The following LRRTM4 variants were observed in gnomAD, a reference collection of about 807,000 sequenced individuals.
LRRTM4 encodes the protein leucine-rich repeat transmembrane neuronal protein 4.
LRRTM4 carries 25 observed loss-of-function variants against 47.6 expected under a neutral mutation model. That is an observed-to-expected ratio of 0.53 (90% CI 0.38 to 0.73). The LOEUF is 0.73. Ranked by LOEUF, LRRTM4 falls within the 30% of genes least tolerant of loss-of-function variation. The probability of loss-of-function intolerance (pLI) is 0.00; values close to 1 mark genes in which losing one functional copy is unlikely to be tolerated. For missense variants in LRRTM4, 638 were observed against 713.4 expected (o/e 0.89, Z 1.20); for synonymous variants, 311 against 269.5 (o/e 1.15, Z -1.51).
intron 3 of LRRTM4, among the ~76,000 whole-genome samples, chr2:77,195,778 A>C (rs1673803298): frequency 6.6e-6 from 1 of 152,158 alleles, no homozygotes; most frequent in African/African-American, 2.4e-5. Context: ...ATGACCACAT[A>C]ATTAATCATC....
At chr2:77,506,612 C>T (rs779301862) in intron 3 of LRRTM4, among the ~76,000 whole-genome samples, 14 of 151,814 alleles carry the variant, frequency 9.2e-5, no homozygotes, top group Non-Finnish European at 1.8e-4. Flanking sequence ...AAAATGGGAA[C>T]TCTTACACAA....
intron 3 of LRRTM4, among the ~76,000 whole-genome samples, chr2:77,234,554 A>G (rs966198433): frequency 6.6e-6 from 1 of 152,184 alleles, no homozygotes; most frequent in Non-Finnish European, 1.5e-5. Flanking sequence ...ATTATATGCT[A>G]AAATTTGTTA....
intron 3 of LRRTM4, among the ~76,000 whole-genome samples, chr2:77,384,606 A>G (rs141043726): frequency 1.3e-5 from 2 of 152,182 alleles, no homozygotes; most frequent in African/African-American, 4.8e-5. Flanking sequence ...GCATTTAGAA[A>G]TTGAAACTGA....
intron 3 of LRRTM4, among the ~76,000 whole-genome samples, chr2:77,157,841 C>G (rs529992592): frequency 6.6e-6 from 1 of 152,274 alleles, no homozygotes; most frequent in East Asian, 1.9e-4. Flanking sequence ...GACAGAGGAA[C>G]ATGAGCTATA....
chr2:77,362,170 A>AAAGAAAGAAAGAAAGGAAGG (rs1282143102), intron 3 of LRRTM4, among the ~76,000 whole-genome samples: 354 of 133,472 alleles, frequency 2.7e-3, no homozygotes, highest in Middle Eastern at 0.011. Context: ...AGAAAGAAAG[A>AAAGAAAGAAAGAAAGGAAGG]AAGGAAGGAA....
intron 3 of LRRTM4, among the ~76,000 whole-genome samples, chr2:76,886,014 A>G (rs1673066111): frequency 6.6e-6 from 1 of 152,196 alleles, no homozygotes. Context: ...AAGAAATATA[A>G]CTCATTTCTA....
chr2:77,403,169 T>C (rs1674029562), intron 3 of LRRTM4, among the ~76,000 whole-genome samples: 1 of 151,996 alleles, frequency 6.6e-6, no homozygotes, highest in South Asian at 2.1e-4. Context: ...GTAAAGTACC[T>C]AATCTGACTG....
chr2:77,010,081 T>C (rs1177058939), intron 3 of LRRTM4, among the ~76,000 whole-genome samples: 3 of 152,104 alleles, frequency 2.0e-5, no homozygotes, highest in Non-Finnish European at 4.4e-5. Flanking sequence ...TGTTTTGGAA[T>C]TGTTAATTCA....
At chr2:77,082,543 G>T (rs999777451) in intron 3 of LRRTM4, among the ~76,000 whole-genome samples, 2 of 151,856 alleles carry the variant, frequency 1.3e-5, no homozygotes, top group African/African-American at 2.4e-5. Flanking sequence ...ATTGTAAAAG[G>T]TACCATTCTT....
At chr2:77,391,542 G>A (rs1218714510) in intron 3 of LRRTM4, among the ~76,000 whole-genome samples, 1 of 151,904 alleles carries the variant, frequency 6.6e-6, no homozygotes, top group Admixed American at 6.6e-5. Flanking sequence ...AACCTTTTCA[G>A]TATTTAAACA....
chr2:76,840,264 A>G (rs1412101962), intron 3 of LRRTM4, among the ~76,000 whole-genome samples: 1 of 152,202 alleles, frequency 6.6e-6, no homozygotes, highest in Non-Finnish European at 1.5e-5. Context: ...TACAATGAAA[A>G]TGCAAATAGG....
At chr2:76,870,562 C>T (rs754399681) in intron 3 of LRRTM4, among the ~76,000 whole-genome samples, 29 of 152,210 alleles carry the variant, frequency 1.9e-4, no homozygotes, top group Non-Finnish European at 2.8e-4. Flanking sequence ...TTCCAGCCAG[C>T]TCTGTATAGT....
chr2:76,980,487 C>T (rs930268514), intron 3 of LRRTM4, among the ~76,000 whole-genome samples: 1 of 152,038 alleles, frequency 6.6e-6, no homozygotes, highest in African/African-American at 2.4e-5. Flanking sequence ...AGTCCTACTA[C>T]CTTATGTGTC....
intron 3 of LRRTM4, among the ~76,000 whole-genome samples, chr2:76,823,876 A>G (rs1671120795): frequency 6.6e-6 from 1 of 151,650 alleles, no homozygotes. Flanking sequence ...AAAACATAAG[A>G]ACATGCATGT....
At chr2:77,246,914 AACTTCT>A (rs1240471323) in intron 3 of LRRTM4, among the ~76,000 whole-genome samples, 1 of 152,064 alleles carries the variant, frequency 6.6e-6, no homozygotes, top group Non-Finnish European at 1.5e-5. Context: ...CAAAATATAA[AACTTCT>A]GGATGAATAT....
At chr2:77,269,407 A>G (rs1468071918) in intron 3 of LRRTM4, among the ~76,000 whole-genome samples, 1 of 152,160 alleles carries the variant, frequency 6.6e-6, no homozygotes, top group Non-Finnish European at 1.5e-5. Context: ...TTAAACATAG[A>G]AATAAGATAA....
At chr2:76,975,886 A>C (rs956545325) in intron 3 of LRRTM4, among the ~76,000 whole-genome samples, 2 of 151,806 alleles carry the variant, frequency 1.3e-5, no homozygotes, top group Non-Finnish European at 2.9e-5. Flanking sequence ...AGTCATAACA[A>C]CATTTGAGAA....
chr2:76,963,480 T>C (rs1266691050), intron 3 of LRRTM4, among the ~76,000 whole-genome samples: 8 of 150,922 alleles, frequency 5.3e-5, no homozygotes, highest in Non-Finnish European at 1.0e-4. Flanking sequence ...TAAACACATA[T>C]GGCCAAGAAA....
intron 3 of LRRTM4, among the ~76,000 whole-genome samples, chr2:77,033,669 C>G (rs1678738601): frequency 6.6e-6 from 1 of 151,798 alleles, no homozygotes; most frequent in South Asian, 2.1e-4. Context: ...ATAATCTATG[C>G]TATGCAAAAG....
Sources: allele counts gnomAD v4.1 joint callset (sites outside exome capture counted in the v4.1 genomes callset), GRCh38; gene constraint gnomAD v4.1.1; transcripts MANE v1.5; gene names NCBI Gene and HGNC (gene_info 2026-07-23, HGNC 2026-07-21).